The following GALK2 variants were observed in gnomAD, a reference collection of about 807,000 sequenced individuals.
The protein encoded by GALK2 is N-acetylgalactosamine kinase.
GALK2 carries 36 observed loss-of-function variants against 52.4 expected under a neutral mutation model. The observed-to-expected ratio is 0.69, with a 90% CI of 0.53 to 0.91. GALK2 has a LOEUF of 0.91. Among genes scored for constraint, GALK2 ranks in the 40% least tolerant of loss-of-function variants. The probability of loss-of-function intolerance (pLI) is 0.00; values close to 1 mark genes in which losing one functional copy is unlikely to be tolerated. For synonymous variants in GALK2, 176 were observed against 199.1 expected (o/e 0.88, Z 0.98); for missense variants, 579 against 559.1 (o/e 1.04, Z -0.36).
At chr15:49,264,239 T>C (rs1428877825) in intron 5 of GALK2, among the ~76,000 whole-genome samples, 3 of 151,888 alleles carry the variant, frequency 2.0e-5, no homozygotes, top group Admixed American at 6.6e-5. Flanking sequence ...TTTCACATAG[T>C]CCCATATTTC....
intron 8 of GALK2, among the ~76,000 whole-genome samples, chr15:49,319,355 C>G (rs1188196545): frequency 1.3e-5 from 2 of 152,102 alleles, no homozygotes; most frequent in African/African-American, 4.8e-5. Context: ...CAAGTATATG[C>G]ACATGTGTGT....
chr15:49,314,675 T>A (rs1183882481), intron 8 of GALK2, among the ~76,000 whole-genome samples: 6 of 152,238 alleles, frequency 3.9e-5, no homozygotes, highest in Admixed American at 3.9e-4. Context: ...CTTGCTTTCT[T>A]GGAGCTGAGC....
intron 1 of GALK2, among the ~76,000 whole-genome samples, chr15:49,181,689 T>TA (rs963757957): frequency 2.0e-5 from 3 of 151,292 alleles, no homozygotes; most frequent in Admixed American, 6.6e-5. Flanking sequence ...TTTTTGTATT[T>TA]AAAAAAAATA....
chr15:49,279,123 A>G (rs2032327820), intron 5 of GALK2, among the ~76,000 whole-genome samples: 1 of 152,220 alleles, frequency 6.6e-6, no homozygotes, highest in South Asian at 2.1e-4. Flanking sequence ...TTACAATTCA[A>G]GATGAGCTTT....
chr15:49,196,293 G>A (rs901405476), intron 1 of GALK2, among the ~76,000 whole-genome samples: 1 of 151,978 alleles, frequency 6.6e-6, no homozygotes, highest in Non-Finnish European at 1.5e-5. Context: ...TGCTTTAAAT[G>A]TATCCCATAT....
chr15:49,195,674 A>T (rs1158579314), intron 1 of GALK2, among the ~76,000 whole-genome samples: 1 of 151,884 alleles, frequency 6.6e-6, no homozygotes, highest in Non-Finnish European at 1.5e-5. Context: ...TTTCTGGGGG[A>T]GCATGGCAGG....
At chr15:49,224,322 C>T (rs1375967221) in intron 3 of GALK2, among the ~76,000 whole-genome samples, 1 of 152,178 alleles carries the variant, frequency 6.6e-6, no homozygotes, top group Non-Finnish European at 1.5e-5. Context: ...GTTTCTTTCG[C>T]TGTGCAGAAC....
intron 3 of GALK2, among the ~76,000 whole-genome samples, chr15:49,367,143 A>G (rs1016625146): frequency 6.6e-6 from 1 of 152,188 alleles, no homozygotes; most frequent in Non-Finnish European, 1.5e-5. Context: ...AAATGTTTGA[A>G]ACCAGTCACT....
At chr15:49,189,984 T>C (rs2141255396) in intron 1 of GALK2, among the ~76,000 whole-genome samples, 1 of 152,336 alleles carries the variant, frequency 6.6e-6, no homozygotes, top group South Asian at 2.1e-4. Context: ...CTAGGATGTA[T>C]ACTATACTTA....
At chr15:49,311,661 ATATCC>A (rs1341036122) in intron 8 of GALK2, among the ~76,000 whole-genome samples, 1 of 152,176 alleles carries the variant, frequency 6.6e-6, no homozygotes, top group African/African-American at 2.4e-5. Context: ...TTACTGTGCT[ATATCC>A]TCTTGGATAT....
chr15:49,170,270 G>C lies in GALK2; in HGVS notation c.-53G>C, dbSNP rs1480501276. The C allele has an allele frequency of 6.4e-7, 1 of 1,555,166 alleles. No homozygotes were observed. The highest frequency in any genetic ancestry group is 2.0e-5 in the Admixed American group (1 of 51,218). On this transcript the variant is annotated 5_prime_UTR_variant, in exon 1 of 10. Transcript: ENST00000560031. ...TCACAGAAGTCTCGTGATTGCTCTG[G>C]GAGCTTTGCTTAGACACTTGAAACT...
In GALK2 at chr15:49,306,467, A is replaced by C. The variant is rs2035553930; in HGVS notation, c.968-13137A>C. 3.3e-5 allele frequency among the ~76,000 whole-genome samples: 5 copies of C among 152,200 alleles called. No homozygotes were observed. The South Asian group carries it at 1.0e-3, about 31-fold the overall frequency. On this transcript the variant is annotated intron_variant, in intron 8 of 9. Coordinates refer to ENST00000560031, the MANE Select transcript of GALK2 (RefSeq NM_002044.4). ...TTTAATTTTGTGGGAAGACAACAAT[A>C]AAATAATAACTAAAGTGTTCTAATA...
In GALK2 at chr15:49,346,322, T is replaced by G. The variant is rs547144726; in HGVS notation, c.427-21169T>G. 3.3e-5 allele frequency among the ~76,000 whole-genome samples: 5 copies of G among 152,306 alleles called. No homozygotes were observed. In the South Asian group the frequency reaches 8.3e-4, roughly 25 times the overall value. On this transcript the variant is annotated intron_variant, in intron 3 of 3. Transcript: ENST00000558399. ...CAGGTTGTGCTAACACGATTTTCTATACATATGTCCTACAAAATGCTATGA... is the reference window on the plus strand; with the variant it reads ...CAGGTTGTGCTAACACGATTTTCTAGACATATGTCCTACAAAATGCTATGA...
chr15:49,352,971 A>T (rs528112204), intron 3 of GALK2, among the ~76,000 whole-genome samples: 10 of 152,200 alleles, frequency 6.6e-5, no homozygotes, highest in South Asian at 2.1e-4. Context: ...TCAACAGGTT[A>T]TTCTGGTAGT....
At chr15:49,319,901 G>A in intron 9 of GALK2, 96 bp downstream of exon 9, 4 of 1,034,482 alleles carry the variant, frequency 3.9e-6, no homozygotes, top group Non-Finnish European at 5.6e-6. Context: ...CGGGAATGAA[G>A]ATCATTCCCC....
downstream of GALK2, among the ~76,000 whole-genome samples, chr15:49,332,087 C>CCACACACACA (rs377139081): frequency 1.4e-3 from 182 of 127,984 alleles, 1 homozygote; most frequent in Middle Eastern, 0.019. Context: ...TGCACACGTG[C>CCACACACACA]CACACACACA....
At chr15:49,309,846 C>T (rs1182484430) in intron 8 of GALK2, among the ~76,000 whole-genome samples, 3 of 151,916 alleles carry the variant, frequency 2.0e-5, no homozygotes, top group Non-Finnish European at 2.9e-5. Context: ...CTCGAACTCC[C>T]GACCTCAGGT....
intron 8 of GALK2, among the ~76,000 whole-genome samples, chr15:49,313,875 T>C (rs1377981865): frequency 1.3e-5 from 2 of 151,972 alleles, no homozygotes. Flanking sequence ...GACTCAGTGC[T>C]TTTGGCATTG....
intron 3 of GALK2, among the ~76,000 whole-genome samples, chr15:49,354,603 C>T (rs908966496): frequency 1.6e-4 from 24 of 152,318 alleles, no homozygotes; most frequent in African/African-American, 4.8e-4. Flanking sequence ...CCTACGCCCA[C>T]GGAGTCTCGC....
Sources: gnomAD v4.1 joint callset for allele counts (sites outside exome capture counted in the v4.1 genomes callset) on GRCh38, gnomAD v4.1.1 for gene constraint, MANE v1.5 for transcripts, NCBI Gene and HGNC (gene_info 2026-07-23, HGNC 2026-07-21) for gene names.